The following ANKRD36B variants were observed in gnomAD, a reference collection of about 807,000 sequenced individuals.
The protein encoded by ANKRD36B is ankyrin repeat domain-containing protein 36B.
A neutral mutation model predicts 135.7 loss-of-function variants in ANKRD36B; 37 were observed. That is an observed-to-expected ratio of 0.27 (90% CI 0.21 to 0.36). ANKRD36B has a LOEUF of 0.36. Among genes scored for constraint, ANKRD36B ranks in the 10% least tolerant of loss-of-function variants. The probability of loss-of-function intolerance (pLI) is 1.00; values close to 1 mark genes in which losing one functional copy is unlikely to be tolerated. For synonymous variants in ANKRD36B, 179 were observed against 348.1 expected, an observed-to-expected ratio of 0.51 and a Z score of 5.41; for missense variants, 549 against 1,037.1, an observed-to-expected ratio of 0.53 and a Z score of 6.46.
rs1218686549 is a variant in ANKRD36B, at chr2:97,530,979, A to G, written c.2265+1332T>C. On this transcript the variant is annotated intron_variant, in intron 35 of 43. Transcript: ENST00000359901. ...GGTGGGACTGTAAACTAGTTCAACC[A>G]TTGTGGAAGTCAGTGTGGTGATTCC... Among the ~76,000 whole-genome samples the G allele has an allele frequency of 2.1e-5, 2 of 96,328 alleles. 1 individual carries two copies. Among genetic ancestry groups the G allele is most frequent in the African/African-American group, 6.2e-5 (2 of 32,156 alleles). The allele number at this position is 96,328 out of a possible 152,430, so 63.2% of individuals were successfully genotyped here. A position where few individuals can be genotyped will look rare whatever the true frequency, so the allele number is the denominator to read the frequency against.
At chr2:97,547,841 G>T (rs934592582) in intron 20 of ANKRD36B, 110 bp from the exon 21 acceptor site, 1 of 1,433,664 alleles carries the variant, frequency 7.0e-7, no homozygotes, top group African/African-American at 1.4e-5. Flanking sequence ...TATTAGCATA[G>T]GCTTTGATGG....
In ANKRD36B at chr2:97,589,720, T is replaced by A. The variant is rs2309267; in HGVS notation, c.-35A>T. The A allele has an allele frequency of 3.1e-4, 507 of 1,611,900 alleles. 1 individual carries two copies. The East Asian group carries it at 5.4e-3, about 17-fold the overall frequency. ...CCACCTCTCCCGCTCGTCGTCTTCC[T>A]TAATCGTCGGCTGCAAATTGTAGCC... On this transcript the variant is annotated 5_prime_UTR_variant, in exon 1 of 44. In the 5' UTR this introduces an upstream ATG that the reference lacks. Coordinates refer to ENST00000359901, the MANE Select transcript of ANKRD36B (RefSeq NM_001393939.1).
chr2:97,589,286 C>G (rs1428092214), intron 1 of ANKRD36B, among the ~76,000 whole-genome samples: 4 of 69,614 alleles, frequency 5.7e-5, no homozygotes, highest in Non-Finnish European at 1.2e-4. Flanking sequence ...TTCACGCCCC[C>G]ACCCCATGCA....
At chr2:97,547,633 A>G in intron 21 of ANKRD36B, 25 bp from the exon 22 acceptor site, 1 of 1,557,764 alleles carries the variant, frequency 6.4e-7, no homozygotes, top group Non-Finnish European at 8.7e-7. Context: ...AAATGAAATA[A>G]TAAATTAATA....
At chr2:97,579,331 C>T (rs1277099875) in intron 4 of ANKRD36B, among the ~76,000 whole-genome samples, 1 of 135,048 alleles carries the variant, frequency 7.4e-6, no homozygotes, top group African/African-American at 2.6e-5. Flanking sequence ...CTACAGTAGG[C>T]AAATTTAAGT....
chr2:97,535,118 A>T lies in ANKRD36B; in HGVS notation c.2191+1182T>A, dbSNP rs558145181. On this transcript the variant is annotated intron_variant, in intron 34 of 43. Coordinates refer to ENST00000359901, the MANE Select transcript of ANKRD36B (RefSeq NM_001393939.1). ...AGTCCTTTGTGGGTGTGAGAAATTT[A>T]AAAAATAGAGCTCATGGAGATGAAG... 6.3e-5 allele frequency among the ~76,000 whole-genome samples: 6 copies of T among 95,146 alleles called. 1 individual carries two copies. The East Asian group carries it at 1.4e-3, about 22-fold the overall frequency. 62.4% of individuals were successfully genotyped at this position (95,146 alleles called of 152,430 possible). A position where few individuals can be genotyped will look rare whatever the true frequency, so the allele number is the denominator to read the frequency against.
At chr2:97,559,066 G>A (rs1300102177) in intron 8 of ANKRD36B, 72 bp from the exon 9 acceptor site, 2 of 1,593,334 alleles carry the variant, frequency 1.3e-6, no homozygotes, top group Non-Finnish European at 1.7e-6. Flanking sequence ...TCCATGCAGT[G>A]TTAGCATCAA....
At chr2:97,560,907 A>T (rs2080968606) in intron 6 of ANKRD36B, 47 bp from the exon 7 acceptor site, 1 of 1,484,986 alleles carries the variant, frequency 6.7e-7, no homozygotes, top group Non-Finnish European at 9.1e-7. Context: ...AAATATGATA[A>T]TGTTATCCAT....
intron 16 of ANKRD36B, among the ~76,000 whole-genome samples, chr2:97,552,797 A>G (rs1387670169): frequency 6.6e-6 from 1 of 151,874 alleles, no homozygotes; most frequent in Non-Finnish European, 1.5e-5. Flanking sequence ...TTTTCTTCGC[A>G]GTACGATGTG....
chr2:97,549,487 G>A lies in ANKRD36B; in HGVS notation c.1409C>T (p.Thr470Ile), dbSNP rs1166384094. 2 of 1,594,488 alleles carry A rather than the reference G, an allele frequency of 1.3e-6. No homozygotes were observed. The highest frequency in any genetic ancestry group is 4.5e-5 in the East Asian group (2 of 43,968). ...CAAAACAGAATCTTCCTTGACACTT[G>A]TAGCCTGAATGGAATTTGAAATGAA... is the stretch of plus-strand genomic sequence containing the variant. ...SSQKPPALKA[T>I]SVKEDSVLNI... Residue 470 changes from threonine to isoleucine, a missense_variant, in exon 20 of 44, where the codon ACA (threonine) becomes ATA (isoleucine). By Grantham distance (89) the Thr-to-Ile change is moderately conservative (BLOSUM62 -1). Transcript: ENST00000359901.
intron 20 of ANKRD36B, 116 bp from the exon 21 acceptor site, chr2:97,547,847 G>T: frequency 4.2e-6 from 6 of 1,424,926 alleles, no homozygotes; most frequent in South Asian, 1.2e-5. Flanking sequence ...CATAGGCTTT[G>T]ATGGCTTCTA....
intron 1 of ANKRD36B, among the ~76,000 whole-genome samples, chr2:97,589,281 G>A (rs1814508): frequency 1.6e-5 from 1 of 62,234 alleles, no homozygotes; most frequent in African/African-American, 6.9e-5. Flanking sequence ...GCCCATTCAC[G>A]CCCCCACCCC....
rs2080616495 is a variant in ANKRD36B, at chr2:97,557,257, C to T, written c.968-125G>A. On this transcript the variant is annotated intron_variant, in intron 10 of 43. Transcript: ENST00000359901. ...CACTAGTGTAGGATTTGATGTTTTA[C>T]AGTTTGTGTCTTTGGGACGGGAACA... 1.0e-5 allele frequency: 14 copies of T among 1,379,356 alleles called. No individual in the cohort carries two copies. The South Asian group carries it at 1.6e-4, about 16-fold the overall frequency. The allele number at this position is 1,379,356 out of a possible 1,614,324, so 85.4% of individuals were successfully genotyped here.
At chr2:97,535,335 C>G (rs1288717852) in intron 34 of ANKRD36B, among the ~76,000 whole-genome samples, 1 of 102,322 alleles carries the variant, frequency 9.8e-6, no homozygotes, top group Non-Finnish European at 2.7e-5. Context: ...GAAAAGATAG[C>G]ACAAAGAAAT....
At chr2:97,565,684 T>C (rs1428512994) in intron 6 of ANKRD36B, among the ~76,000 whole-genome samples, 2 of 152,044 alleles carry the variant, frequency 1.3e-5, no homozygotes, top group Non-Finnish European at 2.9e-5. Flanking sequence ...AAGGCAATCG[T>C]TAAAAGGTCA....
rs1167694047 is a variant in ANKRD36B at position 97,540,406 on chromosome 2, T to C, written c.1886-177A>G. On this transcript the variant is annotated intron_variant, in intron 28 of 43. Transcript: ENST00000359901. ...ACAGAAATACACTGAAAAAAAGTAATACAGCCTTCATGAAAAATATACTTA... is the reference window on the plus strand; with the variant it reads ...ACAGAAATACACTGAAAAAAAGTAACACAGCCTTCATGAAAAATATACTTA... Among the ~76,000 whole-genome samples, 4 of 96,518 alleles carry C rather than the reference T, an allele frequency of 4.1e-5. 2 individuals carry two copies. The highest frequency in any genetic ancestry group is 1.1e-4 in the Non-Finnish European group (4 of 36,290). 63.3% of individuals were successfully genotyped at this position (96,518 alleles called of 152,430 possible). A position where few individuals can be genotyped will look rare whatever the true frequency, so the allele number is the denominator to read the frequency against.
intron 20 of ANKRD36B, 88 bp downstream of exon 20, chr2:97,549,331 T>A: frequency 7.0e-7 from 1 of 1,435,352 alleles, no homozygotes. Context: ...AAGTGCAGCT[T>A]CGACGAGCCC....
chr2:97,561,068 C>T (rs2080983353), intron 6 of ANKRD36B, among the ~76,000 whole-genome samples: 1 of 151,636 alleles, frequency 6.6e-6, no homozygotes, highest in East Asian at 1.9e-4. Context: ...GAAATATACA[C>T]TGACAATTTC....
At chr2:97,548,082 G>A (rs576493043) in intron 20 of ANKRD36B, among the ~76,000 whole-genome samples, 2 of 151,884 alleles carry the variant, frequency 1.3e-5, no homozygotes, top group East Asian at 1.9e-4. Flanking sequence ...GAAAGCAGGT[G>A]CTACATGATC....
Sources: gnomAD v4.1 joint callset for allele counts (sites outside exome capture counted in the v4.1 genomes callset) on GRCh38, gnomAD v4.1.1 for gene constraint, MANE v1.5 for transcripts, NCBI Gene and HGNC (gene_info 2026-07-23, HGNC 2026-07-21) for gene names.